Variants in MBNL1 observed in about 807,000 individuals in gnomAD.
MBNL1 encodes the protein muscleblind like splicing regulator 1.
A neutral mutation model predicts 42.2 loss-of-function variants in MBNL1; 8 were observed. The observed-to-expected ratio is 0.19, with a 90% CI of 0.11 to 0.34. The LOEUF is 0.34. MBNL1 is among the 10% of genes least tolerant of loss of function. The pLI, the probability that MBNL1 is intolerant of heterozygous loss-of-function variation, is 1.00. For missense variants in MBNL1, 309 were observed against 495.3 expected (o/e 0.62, Z 3.57); for synonymous variants, 169 against 173.9 (o/e 0.97, Z 0.22).
chr3:152,270,189 C>T (rs950537231), intron 1 of MBNL1, among the ~76,000 whole-genome samples: 3 of 151,930 alleles, frequency 2.0e-5, no homozygotes, highest in African/African-American at 7.3e-5. Flanking sequence ...AAGAAGCTGC[C>T]GGAAAGGTTG....
chr3:152,443,936 G>C (rs2099182910), intron 4 of MBNL1, among the ~76,000 whole-genome samples: 1 of 151,998 alleles, frequency 6.6e-6, no homozygotes, highest in African/African-American at 2.4e-5. Flanking sequence ...ACAGATTATA[G>C]TATCTCCTTC....
intron 4 of MBNL1, among the ~76,000 whole-genome samples, chr3:152,438,558 G>A (rs754577573): frequency 3.9e-5 from 6 of 152,170 alleles, no homozygotes; most frequent in African/African-American, 9.7e-5. Flanking sequence ...TAGACCTAAA[G>A]GAGTGGTTTT....
chr3:152,313,316 C>A (rs1052175358), intron 2 of MBNL1, among the ~76,000 whole-genome samples: 3 of 152,144 alleles, frequency 2.0e-5, no homozygotes, highest in Non-Finnish European at 4.4e-5. Flanking sequence ...AGCCACCGCG[C>A]CCGGCCAACA....
intron 2 of MBNL1, among the ~76,000 whole-genome samples, chr3:152,402,004 C>T (rs1465061793): frequency 6.7e-6 from 1 of 149,620 alleles, no homozygotes; most frequent in Non-Finnish European, 1.5e-5. Context: ...TGCACTCCAG[C>T]CTGGGTGACA....
At chr3:152,419,785 G>A (rs1235493300) in intron 3 of MBNL1, among the ~76,000 whole-genome samples, 1 of 152,092 alleles carries the variant, frequency 6.6e-6, no homozygotes, top group Non-Finnish European at 1.5e-5. Context: ...CCTGGAAAGA[G>A]GGCTGAAGCC....
chr3:152,343,811 C>T (rs2093764290), intron 2 of MBNL1, among the ~76,000 whole-genome samples: 1 of 151,920 alleles, frequency 6.6e-6, no homozygotes, highest in Non-Finnish European at 1.5e-5. Context: ...GAATTGAAAG[C>T]CATTGGAATC....
At chr3:152,270,575 C>T (rs2040833526) in intron 1 of MBNL1, among the ~76,000 whole-genome samples, 1 of 152,128 alleles carries the variant, frequency 6.6e-6, no homozygotes, top group South Asian at 2.1e-4. Flanking sequence ...GAAAGTTCAA[C>T]GACTGTAAAA....
At chr3:152,358,575 A>G (rs1014234709) in intron 2 of MBNL1, among the ~76,000 whole-genome samples, 2 of 152,154 alleles carry the variant, frequency 1.3e-5, no homozygotes, top group Non-Finnish European at 2.9e-5. Context: ...GAATTGAGAT[A>G]TCCAACTGAT....
chr3:152,331,587 G>A (rs978105898), intron 2 of MBNL1, among the ~76,000 whole-genome samples: 2 of 151,716 alleles, frequency 1.3e-5, no homozygotes, highest in Non-Finnish European at 2.9e-5. Flanking sequence ...TTTATTTCTC[G>A]GTAAAGCCAT....
At chr3:152,369,840 T>C (rs1028032943) in intron 2 of MBNL1, among the ~76,000 whole-genome samples, 13 of 152,218 alleles carry the variant, frequency 8.5e-5, no homozygotes, top group African/African-American at 2.4e-4. Flanking sequence ...TGTATTTCTT[T>C]GGGATCAGTG....
chr3:152,255,384 T>G (rs2035311219), intron 2 of MBNL1, among the ~76,000 whole-genome samples: 1 of 152,154 alleles, frequency 6.6e-6, no homozygotes, highest in African/African-American at 2.4e-5. Context: ...ATTGAGCCTT[T>G]TTAATATTGA....
At chr3:152,322,007 T>C (rs1012115237) in intron 2 of MBNL1, among the ~76,000 whole-genome samples, 1 of 152,056 alleles carries the variant, frequency 6.6e-6, no homozygotes, top group African/African-American at 2.4e-5. Context: ...TAGATACTGT[T>C]TTAAAAGCCA....
intron 7 of MBNL1, 130 bp from the exon 8 acceptor site, chr3:152,456,137 G>A (rs936960478): frequency 1.5e-6 from 1 of 671,498 alleles, no homozygotes; most frequent in African/African-American, 1.7e-5. Context: ...TCACTCGCTG[G>A]TGATGATGTC....
intron 1 of MBNL1, among the ~76,000 whole-genome samples, chr3:152,281,659 A>ACAT (rs2150373146): frequency 6.6e-6 from 1 of 152,278 alleles, no homozygotes; most frequent in South Asian, 2.1e-4. Flanking sequence ...CTTCTGAGTG[A>ACAT]CATAGCACTC....
chr3:152,254,297 TA>T, intron 2 of MBNL1, among the ~76,000 whole-genome samples: 1 of 152,218 alleles, frequency 6.6e-6, no homozygotes, highest in African/African-American at 2.4e-5. Context: ...TCCACTGAGC[TA>T]AAAAGAGATA....
intron 3 of MBNL1, among the ~76,000 whole-genome samples, chr3:152,419,122 A>G (rs985942681): frequency 3.9e-5 from 6 of 152,180 alleles, no homozygotes; most frequent in Admixed American, 6.5e-5. Flanking sequence ...AACTAATATT[A>G]TCAATTATAG....
At chr3:152,432,978 TTTTGTTTG>T in intron 4 of MBNL1, 58 bp downstream of exon 4, 4 of 1,514,938 alleles carry the variant, frequency 2.6e-6, no homozygotes, top group Non-Finnish European at 9.0e-7. Context: ...AAGTGTGGTT[TTTTGTTTG>T]TTTGTGTGTT....
intron 2 of MBNL1, among the ~76,000 whole-genome samples, chr3:152,377,942 GA>G (rs1211275956): frequency 6.6e-6 from 1 of 152,144 alleles, no homozygotes; most frequent in African/African-American, 2.4e-5. Context: ...AAATGACCTT[GA>G]AGGAAACGAT....
At chr3:152,341,126 T>C in intron 2 of MBNL1, 1 of 478,098 alleles carries the variant, frequency 2.1e-6, no homozygotes, top group Non-Finnish European at 3.5e-6. Context: ...TTGAAGTGCA[T>C]TAAAATGGGT....
Sources: allele counts gnomAD v4.1 joint callset (sites outside exome capture counted in the v4.1 genomes callset), GRCh38; gene constraint gnomAD v4.1.1; transcripts MANE v1.5; gene names NCBI Gene and HGNC (gene_info 2026-07-23, HGNC 2026-07-21).